The following CACNA2D3 variants were observed in gnomAD, a reference collection of about 807,000 sequenced individuals.
The protein encoded by CACNA2D3 is voltage-dependent calcium channel subunit alpha-2/delta-3.
In CACNA2D3, 60 loss-of-function variants were observed where a neutral mutation model predicts 160.6. The ratio of observed to expected loss-of-function variants is 0.37; its 90% confidence interval spans 0.30 to 0.46. The LOEUF is 0.46. Among genes scored for constraint, CACNA2D3 ranks in the 20% least tolerant of loss-of-function variants. The probability of loss-of-function intolerance (pLI) is 1.00; values close to 1 mark genes in which losing one functional copy is unlikely to be tolerated. For synonymous variants in CACNA2D3, 558 were observed against 492.9 expected, an observed-to-expected ratio of 1.13 and a Z score of -1.75; for missense variants, 1,205 against 1,365.0, an observed-to-expected ratio of 0.88 and a Z score of 1.85.
At chr3:54,417,449 T>G (rs1217511318) in intron 4 of CACNA2D3, among the ~76,000 whole-genome samples, 1 of 152,200 alleles carries the variant, frequency 6.6e-6, no homozygotes, top group Non-Finnish European at 1.5e-5. Context: ...TGGGACTAGT[T>G]TATTTTCTTT....
intron 11 of CACNA2D3, among the ~76,000 whole-genome samples, chr3:54,736,020 C>CATATATATATGTATATAT (rs1163965186): frequency 0.011 from 852 of 79,652 alleles, 57 homozygotes; most frequent in African/African-American, 0.045. Flanking sequence ...TATATATACA[C>CATATATATATGTATATAT]ATACATATAT....
intron 2 of CACNA2D3, among the ~76,000 whole-genome samples, chr3:54,310,659 A>C (rs1703718603): frequency 6.6e-6 from 1 of 152,042 alleles, no homozygotes; most frequent in African/African-American, 2.4e-5. Context: ...TTAGGTTGTA[A>C]ATGTTGGTTG....
chr3:54,668,117 A>C (rs1349799991), intron 11 of CACNA2D3, among the ~76,000 whole-genome samples: 2 of 152,160 alleles, frequency 1.3e-5, no homozygotes, highest in Non-Finnish European at 2.9e-5. Flanking sequence ...TATCATCAGT[A>C]GGCCTTGGGA....
At chr3:54,740,441 C>T (rs987108081) in intron 11 of CACNA2D3, among the ~76,000 whole-genome samples, 1 of 152,116 alleles carries the variant, frequency 6.6e-6, no homozygotes, top group Non-Finnish European at 1.5e-5. Context: ...GTAGGGTCTT[C>T]AGCCAGGGGC....
chr3:54,694,795 C>T (rs941754823), intron 11 of CACNA2D3, among the ~76,000 whole-genome samples: 1 of 152,024 alleles, frequency 6.6e-6, no homozygotes, highest in Non-Finnish European at 1.5e-5. Context: ...TCTTCTGATA[C>T]CTTTGTTATA....
chr3:54,642,913 A>AC (rs1436227248), intron 11 of CACNA2D3, among the ~76,000 whole-genome samples: 2 of 151,620 alleles, frequency 1.3e-5, no homozygotes. Context: ...ATCCTACCCC[A>AC]CCCCTCCAGC....
intron 2 of CACNA2D3, among the ~76,000 whole-genome samples, chr3:54,226,213 T>G (rs1701668759): frequency 6.6e-6 from 1 of 151,916 alleles, no homozygotes; most frequent in Non-Finnish European, 1.5e-5. Flanking sequence ...TCTCTAACCA[T>G]GATACTTGTC....
At chr3:54,270,614 G>A (rs1702602853) in intron 2 of CACNA2D3, among the ~76,000 whole-genome samples, 1 of 152,176 alleles carries the variant, frequency 6.6e-6, no homozygotes, top group African/African-American at 2.4e-5. Context: ...TGGAAGCCTG[G>A]GTGGGCTCTG....
intron 14 of CACNA2D3, among the ~76,000 whole-genome samples, chr3:54,817,075 C>A (rs1703474337): frequency 6.6e-6 from 1 of 152,112 alleles, no homozygotes; most frequent in Admixed American, 6.6e-5. Flanking sequence ...TCCAAAGGAC[C>A]CTATAGTGGC....
chr3:55,061,545 A>G (rs938794920), intron 35 of CACNA2D3, among the ~76,000 whole-genome samples: 2 of 152,208 alleles, frequency 1.3e-5, no homozygotes, highest in Admixed American at 1.3e-4. Flanking sequence ...ATACAGGGAA[A>G]AGTTGAGATG....
chr3:54,900,287 A>C (rs1171565222), intron 27 of CACNA2D3, among the ~76,000 whole-genome samples: 2 of 152,192 alleles, frequency 1.3e-5, no homozygotes, highest in African/African-American at 4.8e-5. Context: ...AGAGAGACTG[A>C]GATTTTCATC....
intron 4 of CACNA2D3, among the ~76,000 whole-genome samples, chr3:54,454,449 A>G (rs77679300): frequency 0.039 from 5,923 of 152,190 alleles, 292 homozygotes; most frequent in African/African-American, 0.12. Context: ...TGCATATGGT[A>G]TTTCAAAAAT....
intron 35 of CACNA2D3, among the ~76,000 whole-genome samples, chr3:55,042,338 T>C (rs1703974926): frequency 6.6e-6 from 1 of 152,158 alleles, no homozygotes; most frequent in Non-Finnish European, 1.5e-5. Context: ...ATTATGTGCT[T>C]ACACATCTGG....
chr3:54,960,517 A>T (rs79678656), intron 27 of CACNA2D3, among the ~76,000 whole-genome samples: 1 of 152,178 alleles, frequency 6.6e-6, no homozygotes, highest in Non-Finnish European at 1.5e-5. Flanking sequence ...ATAATACCAT[A>T]GCTTGGAGAT....
chr3:54,819,122 C>A (rs61491705), intron 14 of CACNA2D3, among the ~76,000 whole-genome samples: 229 of 150,448 alleles, frequency 1.5e-3, no homozygotes, highest in African/African-American at 5.4e-3. Context: ...GAATGAGGTT[C>A]TTGCAAGTGT....
At chr3:54,202,049 G>A (rs1021686343) in intron 2 of CACNA2D3, among the ~76,000 whole-genome samples, 1 of 152,154 alleles carries the variant, frequency 6.6e-6, no homozygotes, top group Non-Finnish European at 1.5e-5. Flanking sequence ...CATGTGCCAT[G>A]CAATATTTGG....
chr3:54,732,554 A>G (rs1701411939), intron 11 of CACNA2D3, among the ~76,000 whole-genome samples: 1 of 152,218 alleles, frequency 6.6e-6, no homozygotes, highest in African/African-American at 2.4e-5. Flanking sequence ...GAATTTGGGG[A>G]TAGCAATGGA....
intron 17 of CACNA2D3, among the ~76,000 whole-genome samples, chr3:54,860,141 G>T (rs572090723): frequency 6.6e-6 from 1 of 152,268 alleles, no homozygotes; most frequent in Non-Finnish European, 1.5e-5. Flanking sequence ...GGTTGGCCCA[G>T]TGAGCTAAGC....
intron 35 of CACNA2D3, among the ~76,000 whole-genome samples, chr3:55,022,919 A>T (rs1703490528): frequency 6.6e-6 from 1 of 151,994 alleles, no homozygotes; most frequent in Admixed American, 6.6e-5. Context: ...CCATGAAATA[A>T]CTATTACTAT....
Sources: gnomAD v4.1 joint callset for allele counts (sites outside exome capture counted in the v4.1 genomes callset) on GRCh38, gnomAD v4.1.1 for gene constraint, MANE v1.5 for transcripts, NCBI Gene and HGNC (gene_info 2026-07-23, HGNC 2026-07-21) for gene names.